Variants in BBS9 observed in about 807,000 individuals in gnomAD.
BBS9 encodes protein PTHB1.
A neutral mutation model predicts 117.7 loss-of-function variants in BBS9; 89 were observed. The observed-to-expected ratio is 0.76, with a 90% confidence interval of 0.64 to 0.90. The LOEUF (loss-of-function observed/expected upper bound fraction) is 0.90. Ranked by LOEUF, BBS9 falls within the 40% of genes least tolerant of loss-of-function variation. BBS9 has a pLI of 0.00. For synonymous variants in BBS9, 379 were observed against 370.9 expected (o/e 1.02, Z -0.25); for missense variants, 982 against 1,042.2 (o/e 0.94, Z 0.80).
At chr7:33,417,986 GGTTCTT>G (rs1296519961) in intron 19 of BBS9, among the ~76,000 whole-genome samples, 4 of 152,160 alleles carry the variant, frequency 2.6e-5, no homozygotes, top group Non-Finnish European at 5.9e-5. Flanking sequence ...CTAGGTCCTA[GGTTCTT>G]TGAGGACAGG....
At chr7:33,520,925 G>A (rs760187581) in intron 20 of BBS9, among the ~76,000 whole-genome samples, 1 of 152,132 alleles carries the variant, frequency 6.6e-6, no homozygotes, top group Non-Finnish European at 1.5e-5. Flanking sequence ...TGGTCCAAGT[G>A]ATGTAATTTA....
At chr7:33,268,402 T>C (rs376398118) in intron 7 of BBS9, among the ~76,000 whole-genome samples, 6 of 152,336 alleles carry the variant, frequency 3.9e-5, no homozygotes, top group African/African-American at 4.8e-5. Context: ...TCACAGAGTC[T>C]GCTGGGCTCT....
intron 21 of BBS9, among the ~76,000 whole-genome samples, chr7:33,617,044 C>CT (rs982833524): frequency 2.9e-4 from 43 of 150,838 alleles, no homozygotes; most frequent in African/African-American, 7.5e-4. Context: ...TGACTTCATT[C>CT]TTTTTTTTTA....
intron 21 of BBS9, among the ~76,000 whole-genome samples, chr7:33,588,270 T>C (rs971513527): frequency 6.6e-6 from 1 of 152,120 alleles, no homozygotes. Context: ...GAACCTTTTT[T>C]GGTTCACAGA....
In BBS9 at chr7:33,184,670, G is replaced by C. The variant is rs553239332; in HGVS notation, c.442+7079G>C. Among the ~76,000 whole-genome samples, 15 of 152,160 alleles carry C rather than the reference G, an allele frequency of 9.9e-5. No individual in the cohort carries two copies. The South Asian group carries it at 3.1e-3, about 32-fold the overall frequency. ...TGGGTTCTGCATTCTGTTTCCTTTG[G>C]GTCAGGAGTCTCCTTCGTATCGTTC... On this transcript the variant is annotated intron_variant, in intron 5 of 22. Transcript: ENST00000242067.
At chr7:33,545,836 T>C (rs1164248424) in intron 21 of BBS9, among the ~76,000 whole-genome samples, 1 of 152,084 alleles carries the variant, frequency 6.6e-6, no homozygotes, top group Non-Finnish European at 1.5e-5. Context: ...TGTGTTTGTA[T>C]GCATATCCTT....
intron 19 of BBS9, among the ~76,000 whole-genome samples, chr7:33,441,152 A>T (rs1340497815): frequency 6.6e-6 from 1 of 152,196 alleles, no homozygotes; most frequent in Non-Finnish European, 1.5e-5. Flanking sequence ...TAACAAGTAG[A>T]ATATCTAATT....
intron 21 of BBS9, among the ~76,000 whole-genome samples, chr7:33,598,783 T>C (rs1212488820): frequency 1.3e-5 from 2 of 152,298 alleles, no homozygotes; most frequent in Non-Finnish European, 2.9e-5. Flanking sequence ...GGTAGTAGTA[T>C]TGTAAGATAA....
chr7:33,148,112 G>A (rs928529904), intron 2 of BBS9, among the ~76,000 whole-genome samples: 2 of 152,118 alleles, frequency 1.3e-5, no homozygotes, highest in Admixed American at 1.3e-4. Context: ...AATTATTTTT[G>A]TTGATCTTAT....
intron 19 of BBS9, among the ~76,000 whole-genome samples, chr7:33,414,746 A>G (rs1343438863): frequency 6.6e-6 from 1 of 152,204 alleles, no homozygotes; most frequent in Non-Finnish European, 1.5e-5. Context: ...TGCAGTGAAC[A>G]CTTCTGGAGG....
At chr7:33,317,418 A>G (rs1562986174) in intron 9 of BBS9, among the ~76,000 whole-genome samples, 1 of 150,950 alleles carries the variant, frequency 6.6e-6, no homozygotes, top group Non-Finnish European at 1.5e-5. Context: ...CATCTGGATT[A>G]TGTTGCATCT....
At chr7:33,633,601 T>C (rs893657072) in intron 21 of BBS9, among the ~76,000 whole-genome samples, 3 of 151,614 alleles carry the variant, frequency 2.0e-5, no homozygotes, top group African/African-American at 7.3e-5. Context: ...AATACAGTTC[T>C]CCTGTGATCT....
chr7:33,298,589 G>A (rs1190918019), intron 9 of BBS9, among the ~76,000 whole-genome samples: 1 of 152,100 alleles, frequency 6.6e-6, no homozygotes, highest in Non-Finnish European at 1.5e-5. Flanking sequence ...GAAAGACTGG[G>A]CCCAAGATAG....
At chr7:33,165,495 T>C (rs1795533111) in intron 4 of BBS9, among the ~76,000 whole-genome samples, 1 of 152,130 alleles carries the variant, frequency 6.6e-6, no homozygotes, top group South Asian at 2.1e-4. Flanking sequence ...TCTTTTCACA[T>C]AGTTCCATAT....
chr7:33,502,057 G>C (rs1241843575), intron 19 of BBS9, among the ~76,000 whole-genome samples: 1 of 152,040 alleles, frequency 6.6e-6, no homozygotes, highest in Non-Finnish European at 1.5e-5. Flanking sequence ...TTACAGGCAC[G>C]TGCCACCATG....
chr7:33,146,717 A>AAAG (rs1562673956), intron 2 of BBS9, among the ~76,000 whole-genome samples: 13 of 148,082 alleles, frequency 8.8e-5, no homozygotes, highest in South Asian at 2.1e-4. Flanking sequence ...AAAAAAAAAA[A>AAAG]AGAGATAAAA....
chr7:33,478,875 G>GTTTTTTT, intron 19 of BBS9, among the ~76,000 whole-genome samples: 1 of 130,172 alleles, frequency 7.7e-6, no homozygotes, highest in Non-Finnish European at 1.6e-5. Flanking sequence ...ATGTTAGTGG[G>GTTTTTTT]TTTTTTTTTT....
At chr7:33,386,904 T>C (rs1826135787) in intron 18 of BBS9, among the ~76,000 whole-genome samples, 1 of 152,186 alleles carries the variant, frequency 6.6e-6, no homozygotes, top group Admixed American at 6.5e-5. Context: ...GTGTTTGGTG[T>C]CCAGTTTCTT....
At chr7:33,186,404 C>T (rs1783137758) in intron 5 of BBS9, among the ~76,000 whole-genome samples, 1 of 152,154 alleles carries the variant, frequency 6.6e-6, no homozygotes, top group Admixed American at 6.5e-5. Context: ...CTAGAGGCTT[C>T]TGGTATTAGT....
Sources: allele counts gnomAD v4.1 joint callset (sites outside exome capture counted in the v4.1 genomes callset), GRCh38; gene constraint gnomAD v4.1.1; transcripts MANE v1.5; gene names NCBI Gene and HGNC (gene_info 2026-07-23, HGNC 2026-07-21).